Variants in NRG4 observed in about 807,000 individuals in gnomAD.
NRG4 encodes the protein neuregulin 4.
A neutral mutation model predicts 15.0 loss-of-function variants in NRG4; 10 were observed. That is an observed-to-expected ratio of 0.67 (90% CI 0.41 to 1.13). The LOEUF (loss-of-function observed/expected upper bound fraction) is 1.13. NRG4 is among the 50% of genes most tolerant of loss of function. The pLI is 0.00. For missense variants in NRG4, 139 were observed against 140.2 expected (o/e 0.99, Z 0.04); for synonymous variants, 41 against 50.1 (o/e 0.82, Z 0.77).
intron 5 of NRG4, chr15:75,950,514 C>A (rs1325183323): frequency 5.7e-5 from 13 of 229,868 alleles, no homozygotes. Context: ...CTGGATCATC[C>A]TCCTCATCCC....
chr15:75,949,455 G>C (rs2141778743), intron 5 of NRG4, among the ~76,000 whole-genome samples: 1 of 150,506 alleles, frequency 6.6e-6, no homozygotes, highest in East Asian at 1.9e-4. Flanking sequence ...TTATCGAGTT[G>C]AAAAAGTTCC....
Position 76,050,973 on chromosome 15 carries a change from T to TTTTATTTA in NRG4, c.-105+1086_-105+1093dup, listed in dbSNP as rs376329611. Among the ~76,000 whole-genome samples the TTTTATTTA allele has an allele frequency of 5.8e-3, 850 of 147,680 alleles. 27 individuals are homozygous for TTTTATTTA. The highest frequency in any genetic ancestry group is 0.019 in the African/African-American group (730 of 38,816). On this transcript the variant is annotated intron_variant, in intron 4 of 8. Transcript: ENST00000563910. The stretch of plus-strand genomic sequence containing the variant: ...GGTGTGTGCCACCATGCCTGCCTAT[T>TTTTATTTA]TTTATTTATTTATTTATTTATTTAT...
chr15:75,967,775 C>A (rs8030469), intron 3 of NRG4, among the ~76,000 whole-genome samples: 6,020 of 151,990 alleles, frequency 0.04, 216 homozygotes, highest in African/African-American at 0.094. Flanking sequence ...AAATCTGATT[C>A]TTTTAAGATT....
rs1399894099 is a variant in NRG4, at chr15:75,942,161, G to C, written c.*1477C>G. On this transcript the variant is annotated 3_prime_UTR_variant, in exon 6 of 6. Coordinates refer to ENST00000394907, the MANE Select transcript of NRG4 (RefSeq NM_138573.4). ...TGGTTGCCAGAGGTTCAGTGGGAGA[G>C]AGGGAGGGGTAAATACATGGAGTAG... 1 of 152,024 alleles carries C rather than the reference G, an allele frequency of 6.6e-6. No homozygotes were observed. The highest frequency in any genetic ancestry group is 6.6e-5 in the Admixed American group (1 of 15,260). The allele number at this position is 152,024 out of a possible 1,614,324, so 9.4% of individuals were successfully genotyped here.
At chr15:75,999,443 C>T (rs980571613) in intron 3 of NRG4, among the ~76,000 whole-genome samples, 1 of 152,172 alleles carries the variant, frequency 6.6e-6, no homozygotes, top group Admixed American at 6.5e-5. Context: ...TTATGCTCTT[C>T]TACTCTCTGC....
chr15:76,009,296 A>G lies in NRG4; in HGVS notation c.11-3T>C. ...GGGACCACAGGGCTCTTCGTGATCT[A>G]GAACACATACATATATAAAATAGAG... On this transcript the variant is annotated splice_polypyrimidine_tract_variant and splice_region_variant and intron_variant, in intron 2 of 5. Coordinates refer to ENST00000394907, the MANE Select transcript of NRG4 (RefSeq NM_138573.4). The G allele has an allele frequency of 6.7e-7, 1 of 1,498,880 alleles. No individual in the cohort carries two copies. The highest frequency in any genetic ancestry group is 9.1e-7 in the Non-Finnish European group (1 of 1,094,558). 92.8% of individuals were successfully genotyped at this position (1,498,880 alleles called of 1,614,324 possible).
chr15:76,045,836 A>G (rs905738161), intron 4 of NRG4, among the ~76,000 whole-genome samples: 1 of 150,990 alleles, frequency 6.6e-6, no homozygotes, highest in Non-Finnish European at 1.5e-5. Context: ...GATCCAAATT[A>G]GTAAGAAAGG....
chr15:75,973,657 G>C (rs534846945), intron 3 of NRG4, among the ~76,000 whole-genome samples: 1 of 152,318 alleles, frequency 6.6e-6, no homozygotes, highest in Non-Finnish European at 1.5e-5. Flanking sequence ...CTGTTTATGT[G>C]ATGGATTACG....
intron 2 of NRG4, 130 bp from the exon 3 acceptor site, chr15:76,009,423 A>G (rs1392440240): frequency 3.7e-6 from 2 of 544,650 alleles, no homozygotes; most frequent in African/African-American, 3.9e-5. Context: ...TTTTTTCTCA[A>G]AATGAAAGAT....
intron 3 of NRG4, among the ~76,000 whole-genome samples, chr15:76,005,502 A>G (rs1158441935): frequency 6.6e-6 from 1 of 151,616 alleles, no homozygotes; most frequent in Non-Finnish European, 1.5e-5. Flanking sequence ...CCTGGCTAAA[A>G]TGGCGAAACC....
At chr15:75,995,061 GC>G (rs1724652015) in intron 3 of NRG4, among the ~76,000 whole-genome samples, 1 of 151,984 alleles carries the variant, frequency 6.6e-6, no homozygotes, top group South Asian at 2.1e-4. Flanking sequence ...GGTGGCACGT[GC>G]CTCTAGTTCC....
At chr15:75,996,323 T>A (rs1265683674) in intron 3 of NRG4, among the ~76,000 whole-genome samples, 1 of 152,204 alleles carries the variant, frequency 6.6e-6, no homozygotes, top group African/African-American at 2.4e-5. Context: ...CAGATTGTGA[T>A]AATACCATGG....
chr15:76,012,149 T>A (rs2034832344), intron 1 of NRG4, 170 bp downstream of exon 1: 1 of 151,920 alleles, frequency 6.6e-6, no homozygotes. Context: ...CAACAGCTCT[T>A]TCTTAGACAA....
intron 4 of NRG4, among the ~76,000 whole-genome samples, chr15:76,044,756 G>A (rs913429034): frequency 1.3e-5 from 2 of 148,686 alleles, no homozygotes; most frequent in Non-Finnish European, 3.0e-5. Context: ...CAGGAGAATG[G>A]CATGAACCTA....
At chr15:76,044,691 C>T (rs1299847768) in intron 4 of NRG4, among the ~76,000 whole-genome samples, 1 of 149,344 alleles carries the variant, frequency 6.7e-6, no homozygotes, top group Non-Finnish European at 1.5e-5. Context: ...AAAAATTAGC[C>T]GGGCATAGTG....
At chr15:75,983,525 A>C (rs1331366831) in intron 3 of NRG4, among the ~76,000 whole-genome samples, 1 of 152,208 alleles carries the variant, frequency 6.6e-6, no homozygotes, top group Non-Finnish European at 1.5e-5. Flanking sequence ...AGATACAGAA[A>C]TAAAAGGCAC....
At chr15:76,013,998 G>A (rs868082741), upstream of NRG4, among the ~76,000 whole-genome samples, 3 of 152,156 alleles carry the variant, frequency 2.0e-5, no homozygotes, top group Non-Finnish European at 4.4e-5. Context: ...ATCCTCTCCA[G>A]CACTGTTGTT....
chr15:76,053,314 C>G (rs1010369481), intron 2 of NRG4: 1 of 150,946 alleles, frequency 6.6e-6, no homozygotes, highest in African/African-American at 2.5e-5. Context: ...TGGTTCCTTA[C>G]TAGCTGTGTG....
chr15:75,999,595 C>T (rs1292902024), intron 3 of NRG4, among the ~76,000 whole-genome samples: 2 of 152,204 alleles, frequency 1.3e-5, no homozygotes, highest in African/African-American at 2.4e-5. Context: ...TGATCTTTGG[C>T]TTCCCAGCCT....
Sources: gnomAD v4.1 joint callset for allele counts (sites outside exome capture counted in the v4.1 genomes callset) on GRCh38, gnomAD v4.1.1 for gene constraint, MANE v1.5 for transcripts, NCBI Gene and HGNC (gene_info 2026-07-23, HGNC 2026-07-21) for gene names.